The following KIAA1586 variants were observed in gnomAD, a reference collection of about 807,000 sequenced individuals.
KIAA1586 encodes the protein KIAA1586.
A neutral mutation model predicts 6.1 loss-of-function variants in KIAA1586; 5 were observed. The observed-to-expected ratio is 0.82, with a 90% CI of 0.43 to 1.73. The LOEUF is 1.73. Ranked by LOEUF, KIAA1586 falls within the 40% of genes most tolerant of loss-of-function variation. KIAA1586 has a pLI of 0.02. For synonymous variants in KIAA1586, 280 were observed against 301.7 expected (o/e 0.93, Z 0.75); for missense variants, 899 against 878.2 (o/e 1.02, Z -0.30).
At chr6:57,048,737 G>A (rs1828246540) in intron 2 of KIAA1586, among the ~76,000 whole-genome samples, 1 of 152,098 alleles carries the variant, frequency 6.6e-6, no homozygotes, top group South Asian at 2.1e-4. Flanking sequence ...TGAGTTTTTT[G>A]TGCATCTGTA....
Position 57,054,052 on chromosome 6 carries a change from C to G in KIAA1586, c.1553C>G (p.Ala518Gly). 6.2e-7 allele frequency: 1 copy of G among 1,610,140 alleles called. No individual in the cohort carries two copies. The highest frequency in any genetic ancestry group is 8.5e-7 in the Non-Finnish European group (1 of 1,177,564). Residue 518 changes from alanine to glycine, a missense_variant, in exon 4 of 4, where the codon GCT becomes GGT. By Grantham distance (60) the Ala-to-Gly change is moderately conservative. Coordinates refer to ENST00000370733, the MANE Select transcript of KIAA1586 (RefSeq NM_020931.4). ...TACTCTGGTTTGGCGAAGAGATTAG[C>G]TAACATTAATTTCTTACAAGACCTT... ...HSYSGLAKRL[A>G]NINFLQDLAL...
In KIAA1586 at chr6:57,046,858, C is replaced by T. The variant is rs1338058255; in HGVS notation, c.21+82C>T. ...GTTTTCTGCGGTCTGAGGCCTGGTG[C>T]TCCGTCGCAGCCTCGGGGCGATACC... On this transcript the variant is annotated intron_variant, in intron 1 of 3. Coordinates refer to ENST00000370733, the MANE Select transcript of KIAA1586 (RefSeq NM_020931.4). The T allele has an allele frequency of 1.3e-5, 20 of 1,543,210 alleles. No homozygotes were observed. In the Admixed American group the frequency reaches 3.8e-4, roughly 29 times the overall value.
Position 57,053,053 on chromosome 6 carries a change from T to C in KIAA1586, c.554T>C (p.Ile185Thr), listed in dbSNP as rs781635016. 1.9e-5 allele frequency: 31 copies of C among 1,613,564 alleles called. No individual in the cohort carries two copies. The highest frequency in any genetic ancestry group is 1.6e-4 in the South Asian group (15 of 91,026). The change falls in exon 4 of 4, where the codon ATT becomes ACT. Residue 185 changes from isoleucine (I) to threonine (T), a missense_variant. By Grantham distance (89) the Ile-to-Thr change is moderately conservative (BLOSUM62 -1). Coordinates refer to ENST00000370733, the MANE Select transcript of KIAA1586 (RefSeq NM_020931.4). ...CATGTCCATGTGTCCAAGGAATGGATTGCATATTTAGTAACCCCTAATGGC... is the reference window on the plus strand; with the variant it reads ...CATGTCCATGTGTCCAAGGAATGGACTGCATATTTAGTAACCCCTAATGGC... ...EKHVHVSKEW[I>T]AYLVTPNGSN...
chr6:57,064,557 T>G, the KIAA1586 span, among the ~76,000 whole-genome samples: 1 of 152,222 alleles, frequency 6.6e-6, no homozygotes, highest in Non-Finnish European at 1.5e-5. Flanking sequence ...CTCACATTTT[T>G]TCTTACAAAA....
At position 57,054,297 on chromosome 6, in the gene KIAA1586, G is replaced by T; in HGVS notation, c.1798G>T (p.Ala600Ser). 1 of 1,580,098 alleles carries T rather than the reference G, an allele frequency of 6.3e-7. No individual in the cohort carries two copies. Among genetic ancestry groups the T allele is most frequent in the Non-Finnish European group, 8.6e-7 (1 of 1,166,190 alleles). The change falls in exon 4 of 4, where the codon GCT becomes TCT. Residue 600 changes from alanine (A) to serine (S), a missense_variant. Coordinates refer to ENST00000370733, the MANE Select transcript of KIAA1586 (RefSeq NM_020931.4). ...IPFNKNNKFNALPRSILLDNI... is the reference protein window; with the variant it reads ...IPFNKNNKFNSLPRSILLDNI... The stretch of plus-strand genomic sequence containing the variant: ...ATTTAATAAAAACAATAAATTTAAT[G>T]CTCTTCCTAGGAGTATATTACTAGA...
chr6:57,060,499 G>C, the KIAA1586 span, among the ~76,000 whole-genome samples: 1 of 152,144 alleles, frequency 6.6e-6, no homozygotes, highest in African/African-American at 2.4e-5. Flanking sequence ...ATGGGTGGTT[G>C]GTTAGCTGGT....
chr6:57,055,937 C>G (rs1006418002), downstream of KIAA1586, among the ~76,000 whole-genome samples: 11 of 151,924 alleles, frequency 7.2e-5, no homozygotes, highest in African/African-American at 2.7e-4. Flanking sequence ...TTTCATATGC[C>G]AAAAAGAATC....
Position 57,053,751 on chromosome 6 carries a change from T to C in KIAA1586, c.1252T>C (p.Cys418Arg). Residue 418 changes from cysteine to arginine, a missense_variant, in exon 4 of 4, where the codon TGT (cysteine) becomes CGT (arginine). By Grantham distance (180) the Cys-to-Arg change is radical. Transcript: ENST00000370733. ...TTTTCCTGAAATCATCATTTGGAAC[T>C]GTTTAAATCATCGATTACAATTGTC... ...ENFPEIIIWN[C>R]LNHRLQLSLD... 6.3e-7 allele frequency: 1 copy of C among 1,598,122 alleles called. No individual in the cohort carries two copies. Among genetic ancestry groups the C allele is most frequent in the South Asian group, 1.1e-5 (1 of 87,950 alleles).
downstream of KIAA1586, among the ~76,000 whole-genome samples, chr6:57,055,760 A>G (rs2127913451): frequency 6.6e-6 from 1 of 152,342 alleles, no homozygotes; most frequent in Admixed American, 6.5e-5. Flanking sequence ...GCGATGCAGA[A>G]CCTAGTACAA....
chr6:57,054,909 T>C lies in KIAA1586; in HGVS notation c.*46T>C. ...TCATCTGTAAATTATGTACTACACA[T>C]CCTTTATATACATAAAGGTCTTTTT... On this transcript the variant is annotated 3_prime_UTR_variant, in exon 4 of 4. Transcript: ENST00000370733. The C allele has an allele frequency of 1.4e-6, 2 of 1,452,812 alleles. No homozygotes were observed. Among genetic ancestry groups the C allele is most frequent in the Non-Finnish European group, 1.8e-6 (2 of 1,097,802 alleles). 90.0% of individuals were successfully genotyped at this position (1,452,812 alleles called of 1,614,324 possible). A position where few individuals can be genotyped will look rare whatever the true frequency, so the allele number is the denominator to read the frequency against.
chr6:57,061,634 C>A, the KIAA1586 span, among the ~76,000 whole-genome samples: 2 of 152,098 alleles, frequency 1.3e-5, no homozygotes, highest in African/African-American at 2.4e-5. Flanking sequence ...AAGTGCTCAT[C>A]CTGCCTCAGC....
rs1295268072 is a variant in KIAA1586, at chr6:57,053,057, A to G, written c.558A>G (p.Ala186=). The change falls in exon 4 of 4, where the codon GCA becomes GCG. Residue 186 remains alanine, a synonymous_variant. Transcript: ENST00000370733. Reference sequence around the variant, plus strand: ...TCCATGTGTCCAAGGAATGGATTGCATATTTAGTAACCCCTAATGGCAGTA... The same window carrying G: ...TCCATGTGTCCAAGGAATGGATTGCGTATTTAGTAACCCCTAATGGCAGTA... ...KHVHVSKEWI[A]YLVTPNGSNK... 2.5e-6 allele frequency: 4 copies of G among 1,613,414 alleles called. No homozygotes were observed. Among genetic ancestry groups the G allele is most frequent in the Non-Finnish European group, 3.4e-6 (4 of 1,179,734 alleles).
rs750496582 is a variant in KIAA1586, at chr6:57,054,108, TC to T, written c.1610del (p.Ser537Ter). ...ALMIDILEEF[S>X]VLSTALQSRS... is the part of the protein sequence containing the mutation. ...AATGATTGACATTCTTGAAGAATTTTCAGTACTTTCAACTGCATTACAGTCA... is the reference window on the plus strand; with the variant it reads ...AATGATTGACATTCTTGAAGAATTTTAGTACTTTCAACTGCATTACAGTCA... On this transcript the variant is annotated frameshift_variant, in exon 4 of 4. Transcript: ENST00000370733. LOFTEE classifies it low-confidence loss of function (END_TRUNC). The T allele has an allele frequency of 2.5e-6, 4 of 1,608,236 alleles. No individual in the cohort carries two copies. In the African/African-American group the frequency reaches 5.4e-5, roughly 22 times the overall value.
chr6:57,065,954 A>G, the KIAA1586 span, among the ~76,000 whole-genome samples: 2 of 152,094 alleles, frequency 1.3e-5, no homozygotes, highest in Non-Finnish European at 2.9e-5. Flanking sequence ...CCTTAAATGT[A>G]TAACTTCCAG....
chr6:57,058,358 A>G (rs566006481), downstream of KIAA1586, among the ~76,000 whole-genome samples: 25 of 152,288 alleles, frequency 1.6e-4, no homozygotes, highest in South Asian at 3.3e-3. Context: ...TGCTCATTGT[A>G]TAAGTGCACA....
the KIAA1586 span, among the ~76,000 whole-genome samples, chr6:57,065,861 C>A: frequency 6.6e-6 from 1 of 152,110 alleles, no homozygotes; most frequent in African/African-American, 2.4e-5. Context: ...TCTGGGAATT[C>A]AGTTGTGGAC....
the KIAA1586 span, among the ~76,000 whole-genome samples, chr6:57,062,796 A>G: frequency 6.6e-6 from 1 of 152,202 alleles, no homozygotes; most frequent in Non-Finnish European, 1.5e-5. Context: ...CACACCTGTA[A>G]TCTTAGCACT....
intron 3 of KIAA1586, 26 bp downstream of exon 3, chr6:57,050,880 T>A: frequency 6.6e-7 from 1 of 1,524,614 alleles, no homozygotes; most frequent in Non-Finnish European, 9.1e-7. Flanking sequence ...TTGTGTTTGT[T>A]CAGTTTTCTT....
At chr6:57,066,747 C>T in the KIAA1586 span, among the ~76,000 whole-genome samples, 9 of 152,198 alleles carry the variant, frequency 5.9e-5, no homozygotes, top group African/African-American at 2.2e-4. Context: ...TGGAGATGTG[C>T]GTATGGAGTC....
Sources: allele counts gnomAD v4.1 joint callset (sites outside exome capture counted in the v4.1 genomes callset), GRCh38; gene constraint gnomAD v4.1.1; transcripts MANE v1.5; gene names NCBI Gene and HGNC (gene_info 2026-07-23, HGNC 2026-07-21).